ANKRD30B: variants seen among roughly 807,000 people sequenced by gnomAD.
ANKRD30B encodes ankyrin repeat domain-containing protein 30B.
In ANKRD30B, 144 loss-of-function variants were observed where a neutral mutation model predicts 202.2. That is an observed-to-expected ratio of 0.71 (90% confidence interval 0.62 to 0.82). ANKRD30B has a LOEUF of 0.82. ANKRD30B is among the 40% of genes least tolerant of loss of function. ANKRD30B has a pLI of 0.00. For synonymous variants in ANKRD30B, 508 were observed against 561.3 expected, an observed-to-expected ratio of 0.91 and a Z score of 1.34; for missense variants, 1,487 against 1,669.1, an observed-to-expected ratio of 0.89 and a Z score of 1.90.
At chr18:14,777,847 G>A (rs1265345699) in intron 9 of ANKRD30B, 138 bp from the exon 10 acceptor site, 2 of 612,504 alleles carry the variant, frequency 3.3e-6, no homozygotes, top group Middle Eastern at 3.9e-4. Flanking sequence ...GGAGGCAGAA[G>A]GAGGAGAATC....
At chr18:14,815,815 C>T (rs1970066074) in intron 30 of ANKRD30B, among the ~76,000 whole-genome samples, 1 of 152,108 alleles carries the variant, frequency 6.6e-6, no homozygotes, top group South Asian at 2.1e-4. Flanking sequence ...TTTGCTATTC[C>T]TGATGAGTTT....
At chr18:14,917,314 C>T in the ANKRD30B span, among the ~76,000 whole-genome samples, 8 of 152,196 alleles carry the variant, frequency 5.3e-5, no homozygotes, top group Non-Finnish European at 1.0e-4. Context: ...TAATTGTTCT[C>T]TTTCCTTTCT....
chr18:14,752,376 A>G (rs750530028), intron 1 of ANKRD30B, among the ~76,000 whole-genome samples, 190 bp from the exon 2 acceptor site: 4 of 152,214 alleles, frequency 2.6e-5, no homozygotes, highest in South Asian at 2.1e-4. Flanking sequence ...TTTGTATTCA[A>G]ACAGGCCACT....
Position 14,852,419 on chromosome 18 carries a change from A to G in ANKRD30B, c.4475A>G (p.Glu1492Gly). 1 of 1,515,748 alleles carries G rather than the reference A, an allele frequency of 6.6e-7. No homozygotes were observed. The highest frequency in any genetic ancestry group is 8.8e-7 in the Non-Finnish European group (1 of 1,138,106). 93.9% of individuals were successfully genotyped at this position (1,515,748 alleles called of 1,614,324 possible). ...TATGAAAAAGAGAAAGCAGAAAGAGAAGTAAGTATCAAAAAATATAAATAC... is the reference window on the plus strand; with the variant it reads ...TATGAAAAAGAGAAAGCAGAAAGAGGAGTAAGTATCAAAAAATATAAATAC... ...DQYEKEKAER[E>G]VIVRQLQKKL... is the part of the protein sequence containing the mutation. The change falls in exon 42 of 44, where the codon GAA (glutamate) becomes GGA (glycine). Residue 1492 changes from glutamate to glycine, a missense_variant and splice_region_variant. Transcript: ENST00000690538.
the ANKRD30B span, among the ~76,000 whole-genome samples, chr18:14,885,489 T>G: frequency 6.6e-6 from 1 of 152,098 alleles, no homozygotes; most frequent in Non-Finnish European, 1.5e-5. Context: ...GTGCTGTCTG[T>G]GGTGGGCCCC....
At chr18:14,818,546 G>A (rs62086435) in intron 30 of ANKRD30B, among the ~76,000 whole-genome samples, 1 of 122,806 alleles carries the variant, frequency 8.1e-6, no homozygotes, top group Non-Finnish European at 1.6e-5. Context: ...AGAGTGTGAT[G>A]TTCCCCTTCC....
chr18:14,903,177 A>G, the ANKRD30B span, among the ~76,000 whole-genome samples: 1 of 152,154 alleles, frequency 6.6e-6, no homozygotes, highest in African/African-American at 2.4e-5. Flanking sequence ...GTAGTCATGC[A>G]GGGGCCAAGG....
At chr18:14,910,022 C>A in the ANKRD30B span, 1 of 152,058 alleles carries the variant, frequency 6.6e-6, no homozygotes, top group Non-Finnish European at 1.5e-5. Context: ...CAGATGATGT[C>A]AAGTGTATAT....
chr18:14,831,181 G>GAAAGAAAAAA, intron 33 of ANKRD30B, among the ~76,000 whole-genome samples: 1 of 52,352 alleles, frequency 1.9e-5, no homozygotes, highest in African/African-American at 7.5e-5. Context: ...CTCCGTCTCG[G>GAAAGAAAAAA]AAAAAAAAAA....
chr18:14,818,923 T>G (rs1385773067), intron 30 of ANKRD30B, among the ~76,000 whole-genome samples: 2 of 151,868 alleles, frequency 1.3e-5, no homozygotes, highest in South Asian at 2.1e-4. Context: ...TCTAGATCCC[T>G]GAGGAATCGC....
At chr18:14,837,698 G>T in intron 36 of ANKRD30B, 22 bp downstream of exon 36, 1 of 1,531,778 alleles carries the variant, frequency 6.5e-7, no homozygotes, top group Non-Finnish European at 8.8e-7. Context: ...TGTTGTTGTT[G>T]TTATTTTAAA....
the ANKRD30B span, among the ~76,000 whole-genome samples, chr18:14,900,404 G>A: frequency 8.8e-3 from 1,334 of 152,030 alleles, 10 homozygotes; most frequent in Non-Finnish European, 0.012. Context: ...GAAGTTACAC[G>A]TTTTGATTCT....
At chr18:14,750,843 T>C (rs1913317387) in intron 1 of ANKRD30B, among the ~76,000 whole-genome samples, 2 of 152,120 alleles carry the variant, frequency 1.3e-5, no homozygotes, top group South Asian at 4.1e-4. Context: ...TATGGTCTTG[T>C]GTTATCTGAA....
chr18:14,757,467 C>T (rs1362797353), intron 4 of ANKRD30B, among the ~76,000 whole-genome samples: 2 of 152,182 alleles, frequency 1.3e-5, no homozygotes, highest in African/African-American at 4.8e-5. Context: ...TCAGATTGCT[C>T]TCTCTTGTCT....
chr18:14,819,322 C>T (rs1190421478), intron 30 of ANKRD30B, among the ~76,000 whole-genome samples: 1 of 151,754 alleles, frequency 6.6e-6, no homozygotes, highest in Admixed American at 6.6e-5. Flanking sequence ...TGCCTGTTCA[C>T]TCTGATGGTA....
At chr18:14,853,137 A>G (rs1971957188) in intron 42 of ANKRD30B, among the ~76,000 whole-genome samples, 1 of 151,994 alleles carries the variant, frequency 6.6e-6, no homozygotes. Flanking sequence ...GAATATTGTT[A>G]CAAATCATTT....
the ANKRD30B span, among the ~76,000 whole-genome samples, chr18:14,913,064 C>A: frequency 6.6e-6 from 1 of 152,230 alleles, no homozygotes; most frequent in Non-Finnish European, 1.5e-5. Flanking sequence ...GAGAAGGACC[C>A]ATTTTATCAG....
the ANKRD30B span, among the ~76,000 whole-genome samples, chr18:14,869,924 T>G: frequency 6.6e-6 from 1 of 151,830 alleles, no homozygotes; most frequent in African/African-American, 2.4e-5. Flanking sequence ...AACCTCTGCC[T>G]CCTGGGTTCA....
the ANKRD30B span, among the ~76,000 whole-genome samples, chr18:14,894,158 C>T: frequency 6.6e-6 from 1 of 152,148 alleles, no homozygotes; most frequent in Admixed American, 6.6e-5. Flanking sequence ...TTCAATAATT[C>T]ATGAATTTAT....
Sources: allele counts gnomAD v4.1 joint callset (sites outside exome capture counted in the v4.1 genomes callset), GRCh38; gene constraint gnomAD v4.1.1; transcripts MANE v1.5; gene names NCBI Gene and HGNC (gene_info 2026-07-23, HGNC 2026-07-21).